The following GABBR2 variants were observed in gnomAD, a reference collection of about 807,000 sequenced individuals.
GABBR2 encodes gamma-aminobutyric acid type B receptor subunit 2, also known as G-protein coupled receptor 51.
A neutral mutation model predicts 105.6 loss-of-function variants in GABBR2; 23 were observed. That is an observed-to-expected ratio of 0.22 (90% CI 0.16 to 0.31). GABBR2 has a LOEUF of 0.31. Ranked by LOEUF, GABBR2 falls within the 10% of genes least tolerant of loss-of-function variation. The pLI is 1.00. For missense variants in GABBR2, 734 were observed against 1,245.5 expected, an observed-to-expected ratio of 0.59 and a Z score of 6.18; for synonymous variants, 478 against 499.7, an observed-to-expected ratio of 0.96 and a Z score of 0.58.
chr9:98,645,154 AACCACTT>A (rs1405671724), intron 1 of GABBR2, among the ~76,000 whole-genome samples: 1 of 152,132 alleles, frequency 6.6e-6, no homozygotes, highest in Admixed American at 6.6e-5. Context: ...GTAGGGAATA[AACCACTT>A]CATGTAATTT....
intron 8 of GABBR2, among the ~76,000 whole-genome samples, chr9:98,399,618 G>A (rs1470075917): frequency 1.3e-5 from 2 of 152,180 alleles, no homozygotes; most frequent in South Asian, 2.1e-4. Flanking sequence ...CACCTGGCAG[G>A]TAGGGGGTCA....
intron 17 of GABBR2, among the ~76,000 whole-genome samples, chr9:98,298,456 GC>G (rs1830417207): frequency 6.6e-6 from 1 of 152,180 alleles, no homozygotes; most frequent in South Asian, 2.1e-4. Flanking sequence ...GCAGGTTCCT[GC>G]TAGTAGAACT....
chr9:98,403,074 C>T lies in GABBR2; in HGVS notation c.1297+3007G>A, dbSNP rs146458878. ...ACTTTGGGAGGCCGAGGTGGGCAGACTGCGAGGTCAGGAGTTCGAGACCAG... is the reference window on the plus strand; with the variant it reads ...ACTTTGGGAGGCCGAGGTGGGCAGATTGCGAGGTCAGGAGTTCGAGACCAG... On this transcript the variant is annotated intron_variant, in intron 8 of 18. Coordinates refer to ENST00000259455, the MANE Select transcript of GABBR2 (RefSeq NM_005458.8). Among the ~76,000 whole-genome samples, 569 of 151,984 alleles carry T rather than the reference C, an allele frequency of 3.7e-3. 4 individuals carry two copies. The highest frequency in any genetic ancestry group is 0.013 in the African/African-American group (530 of 41,458).
chr9:98,344,795 A>G (rs1431783245), intron 13 of GABBR2, among the ~76,000 whole-genome samples: 1 of 152,024 alleles, frequency 6.6e-6, no homozygotes, highest in Non-Finnish European at 1.5e-5. Flanking sequence ...CTGGGTTACT[A>G]CACTCACTCT....
intron 2 of GABBR2, among the ~76,000 whole-genome samples, chr9:98,553,780 G>A (rs189451484): frequency 8.3e-4 from 126 of 152,306 alleles, no homozygotes; most frequent in African/African-American, 2.9e-3. Context: ...TCCAGATGAG[G>A]AGACTGAGCC....
intron 1 of GABBR2, among the ~76,000 whole-genome samples, chr9:98,686,940 T>TCC (rs1158870469): frequency 6.6e-6 from 1 of 151,618 alleles, no homozygotes; most frequent in African/African-American, 2.4e-5. Flanking sequence ...CAGACCACCC[T>TCC]CCCTCAGCAG....
At chr9:98,414,840 T>C (rs1832659123) in intron 7 of GABBR2, among the ~76,000 whole-genome samples, 1 of 152,110 alleles carries the variant, frequency 6.6e-6, no homozygotes, top group South Asian at 2.1e-4. Flanking sequence ...TTCCCCCCTG[T>C]CAACCAGATT....
At position 98,460,370 on chromosome 9, in the gene GABBR2, T is replaced by C. The variant is rs148559566; in HGVS notation, c.1000-6153A>G. The stretch of plus-strand genomic sequence containing the variant: ...TGGCCTCGGTGACAGAGCAAGACTC[T>C]ATCTCTAAAATAAAATAAAATAAAA... On this transcript the variant is annotated intron_variant, in intron 6 of 18. Transcript: ENST00000259455. Among the ~76,000 whole-genome samples the C allele has an allele frequency of 3.7e-3, 560 of 152,264 alleles. 3 individuals are homozygous for C. Among genetic ancestry groups the C allele is most frequent in the African/African-American group, 0.012 (500 of 41,520 alleles).
chr9:98,447,063 C>CTTTTTTTTTTTTTTTTT lies in GABBR2; in HGVS notation c.1236+6917_1236+6918insAAAAAAAAAAAAAAAAA, dbSNP rs369338702. On this transcript the variant is annotated intron_variant, in intron 7 of 18. Coordinates refer to ENST00000259455, the MANE Select transcript of GABBR2 (RefSeq NM_005458.8). ...CCCAGATTCAACCTAAAAAAGACTTCTTTTTTTTTTTTTTTTGAGACGGAG... is the reference window on the plus strand; with the variant it reads ...CCCAGATTCAACCTAAAAAAGACTTCTTTTTTTTTTTTTTTTTTTTTTTTTTTTTTTTTGAGACGGAG... Among the ~76,000 whole-genome samples, 25 of 116,332 alleles carry CTTTTTTTTTTTTTTTTT rather than the reference C, an allele frequency of 2.1e-4. 1 individual carries two copies. Among genetic ancestry groups the CTTTTTTTTTTTTTTTTT allele is most frequent in the African/African-American group, 8.4e-4 (24 of 28,626 alleles). The allele number at this position is 116,332 out of a possible 152,430, so 76.3% of individuals were successfully genotyped here. A position where few individuals can be genotyped will look rare whatever the true frequency, so the allele number is the denominator to read the frequency against.
intron 1 of GABBR2, among the ~76,000 whole-genome samples, chr9:98,637,953 T>C (rs1829903904): frequency 6.6e-6 from 1 of 152,242 alleles, no homozygotes; most frequent in African/African-American, 2.4e-5. Flanking sequence ...ATAGTGTACA[T>C]GTAGTATTCC....
chr9:98,444,595 C>T (rs1043450184), intron 7 of GABBR2, among the ~76,000 whole-genome samples: 2 of 152,192 alleles, frequency 1.3e-5, no homozygotes, highest in African/African-American at 4.8e-5. Context: ...TATAAATGCA[C>T]TCTGTAAACA....
intron 13 of GABBR2, among the ~76,000 whole-genome samples, chr9:98,332,571 T>C (rs1831046914): frequency 6.6e-6 from 1 of 152,192 alleles, no homozygotes. Flanking sequence ...CCTTGTATCA[T>C]TGTGTTTACA....
intron 3 of GABBR2, among the ~76,000 whole-genome samples, chr9:98,505,504 G>A (rs1827492476): frequency 6.6e-6 from 1 of 151,780 alleles, no homozygotes; most frequent in Non-Finnish European, 1.5e-5. Context: ...AGAGCCAGTG[G>A]CTTGAAATGT....
chr9:98,354,418 G>A (rs1039960435), intron 13 of GABBR2, among the ~76,000 whole-genome samples: 4 of 152,222 alleles, frequency 2.6e-5, no homozygotes, highest in African/African-American at 9.6e-5. Context: ...GGCTATGAAA[G>A]ACCTAGATGG....
intron 1 of GABBR2, among the ~76,000 whole-genome samples, chr9:98,619,516 A>T (rs1444235708): frequency 6.6e-6 from 1 of 152,222 alleles, no homozygotes; most frequent in African/African-American, 2.4e-5. Flanking sequence ...GTCAATAAAC[A>T]TCAAGAGACT....
intron 13 of GABBR2, among the ~76,000 whole-genome samples, chr9:98,349,340 T>C (rs1423754828): frequency 6.8e-6 from 1 of 146,180 alleles, no homozygotes; most frequent in Non-Finnish European, 1.5e-5. Context: ...AATATTTTGT[T>C]GAAGTTTTGT....
intron 1 of GABBR2, among the ~76,000 whole-genome samples, chr9:98,686,123 A>G (rs988130668): frequency 6.6e-6 from 1 of 152,058 alleles, no homozygotes; most frequent in African/African-American, 2.4e-5. Flanking sequence ...TTCACCCTTG[A>G]TATCTGATCA....
intron 1 of GABBR2, among the ~76,000 whole-genome samples, chr9:98,657,784 G>C (rs1310855567): frequency 6.6e-6 from 1 of 152,248 alleles, no homozygotes; most frequent in Non-Finnish European, 1.5e-5. Context: ...TTGTCATGAT[G>C]GTGAGTGATT....
At chr9:98,647,937 T>A (rs1426165434) in intron 1 of GABBR2, among the ~76,000 whole-genome samples, 1 of 151,190 alleles carries the variant, frequency 6.6e-6, no homozygotes, top group African/African-American at 2.4e-5. Flanking sequence ...ATTGAAATGG[T>A]CATTATTTGT....
Sources: allele counts gnomAD v4.1 joint callset (sites outside exome capture counted in the v4.1 genomes callset), GRCh38; gene constraint gnomAD v4.1.1; transcripts MANE v1.5; gene names NCBI Gene and HGNC (gene_info 2026-07-23, HGNC 2026-07-21).